Variants in APBB2 observed in about 807,000 individuals in gnomAD.
APBB2 encodes amyloid beta precursor protein binding family B member 2, also known as Fe65-like 1.
APBB2 carries 38 observed loss-of-function variants against 82.5 expected under a neutral mutation model. The observed-to-expected ratio is 0.46, with a 90% CI of 0.36 to 0.60. APBB2 has a LOEUF of 0.60. APBB2 is among the 20% of genes least tolerant of loss of function. The pLI is 0.00. For synonymous variants in APBB2, 341 were observed against 368.2 expected (o/e 0.93, Z 0.85); for missense variants, 772 against 972.3 (o/e 0.79, Z 2.74).
intron 6 of APBB2, among the ~76,000 whole-genome samples, chr4:40,949,459 C>G (rs867633654): frequency 6.6e-6 from 1 of 152,056 alleles, no homozygotes; most frequent in African/African-American, 2.4e-5. Context: ...AAAACCATAG[C>G]TAAGCCAAGA....
At chr4:40,935,460 G>T in intron 7 of APBB2, 1 of 278,142 alleles carries the variant, frequency 3.6e-6, no homozygotes, top group East Asian at 7.8e-5. Context: ...TCAATAACTA[G>T]CATACCTAAT....
rs145465569 is a variant in APBB2 at position 41,165,519 on chromosome 4, T to C, written c.-416-22377A>G. Among the ~76,000 whole-genome samples, 508 of 152,306 alleles carry C rather than the reference T, an allele frequency of 3.3e-3. 2 individuals are homozygous for C. Among genetic ancestry groups the C allele is most frequent in the Non-Finnish European group, 4.2e-3 (283 of 68,028 alleles). ...TATCTCTTTCCTCTGTTTCCTCACT[T>C]CCTACTTAGCTCTTTAGTAATGCAA... On this transcript the variant is annotated intron_variant, in intron 1 of 17. Coordinates refer to ENST00000508593, the MANE Select transcript of APBB2 (RefSeq NM_004307.2).
At chr4:40,840,023 T>C (rs1381162089) in intron 12 of APBB2, among the ~76,000 whole-genome samples, 1 of 152,206 alleles carries the variant, frequency 6.6e-6, no homozygotes, top group African/African-American at 2.4e-5. Flanking sequence ...TAAGACTTGC[T>C]AAAATGTACC....
intron 16 of APBB2, among the ~76,000 whole-genome samples, chr4:40,823,283 T>C (rs920472008): frequency 1.3e-5 from 2 of 152,168 alleles, no homozygotes; most frequent in South Asian, 2.1e-4. Flanking sequence ...CACAGGACTC[T>C]CCCAAATGGA....
intron 5 of APBB2, among the ~76,000 whole-genome samples, chr4:41,031,483 G>A (rs1716785031): frequency 6.6e-6 from 1 of 152,310 alleles, no homozygotes; most frequent in South Asian, 2.1e-4. Flanking sequence ...ATGCATGAGA[G>A]TAGTAGCTGT....
intron 3 of APBB2, among the ~76,000 whole-genome samples, chr4:41,095,889 C>G (rs762783782): frequency 6.6e-6 from 1 of 152,300 alleles, no homozygotes; most frequent in African/African-American, 2.4e-5. Context: ...TTTAGAAACT[C>G]CAAGTCTCTA....
intron 10 of APBB2, among the ~76,000 whole-genome samples, chr4:40,931,006 C>T (rs1784096120): frequency 6.6e-6 from 1 of 152,158 alleles, no homozygotes; most frequent in South Asian, 2.1e-4. Flanking sequence ...CTTACCCTCC[C>T]AAACTGCTGG....
chr4:40,922,863 C>G (rs193153109), intron 10 of APBB2, among the ~76,000 whole-genome samples: 84 of 152,186 alleles, frequency 5.5e-4, no homozygotes, highest in Admixed American at 2.3e-3. Context: ...AAGGATCCAC[C>G]CCGCTCGGCC....
At chr4:40,992,008 C>A (rs546781282) in intron 6 of APBB2, among the ~76,000 whole-genome samples, 1 of 152,220 alleles carries the variant, frequency 6.6e-6, no homozygotes, top group Middle Eastern at 3.4e-3. Flanking sequence ...GCACAGACAC[C>A]ACACACACCA....
chr4:41,078,163 C>A (rs1455371124), intron 3 of APBB2, among the ~76,000 whole-genome samples: 1 of 151,934 alleles, frequency 6.6e-6, no homozygotes, highest in Non-Finnish European at 1.5e-5. Flanking sequence ...GAAAGATAAA[C>A]CCCTCTCTTC....
intron 10 of APBB2, among the ~76,000 whole-genome samples, chr4:40,913,168 GAC>G (rs993303194): frequency 5.9e-5 from 9 of 152,162 alleles, no homozygotes; most frequent in Non-Finnish European, 1.3e-4. Context: ...AAGGAGCAGA[GAC>G]AGCCTGCAGT....
At chr4:40,857,841 G>C (rs1032199666) in intron 12 of APBB2, among the ~76,000 whole-genome samples, 2 of 152,146 alleles carry the variant, frequency 1.3e-5, no homozygotes, top group African/African-American at 4.8e-5. Flanking sequence ...GGGGAAGGGA[G>C]GTATTGCAGC....
chr4:41,035,642 C>T (rs1163618055), intron 4 of APBB2, among the ~76,000 whole-genome samples: 1 of 152,108 alleles, frequency 6.6e-6, no homozygotes, highest in Non-Finnish European at 1.5e-5. Flanking sequence ...TCTGAAAAGG[C>T]TTGAACAAAA....
At chr4:41,071,838 C>T (rs1336157768) in intron 3 of APBB2, among the ~76,000 whole-genome samples, 1 of 151,968 alleles carries the variant, frequency 6.6e-6, no homozygotes, top group Non-Finnish European at 1.5e-5. Context: ...AAGGTAATGC[C>T]TTCTTCAGAG....
intron 10 of APBB2, among the ~76,000 whole-genome samples, chr4:40,926,166 CAT>C (rs1782560918): frequency 6.6e-6 from 1 of 151,878 alleles, no homozygotes; most frequent in Non-Finnish European, 1.5e-5. Context: ...TTCTTTTTAT[CAT>C]GTTTCCAACT....
intron 5 of APBB2, among the ~76,000 whole-genome samples, chr4:41,019,004 C>T (rs1364082324): frequency 6.6e-6 from 1 of 152,174 alleles, no homozygotes; most frequent in Non-Finnish European, 1.5e-5. Flanking sequence ...AGATAAGGTT[C>T]CCATTAGCCA....
chr4:41,169,190 A>G (rs1767580318), intron 1 of APBB2, among the ~76,000 whole-genome samples: 1 of 151,052 alleles, frequency 6.6e-6, no homozygotes, highest in African/African-American at 2.4e-5. Flanking sequence ...TCTCAAAAAA[A>G]AAAAAAAAAA....
At position 40,864,366 on chromosome 4, in the gene APBB2, C is replaced by T. The variant is rs375852952; in HGVS notation, c.1529+25998G>A. Among the ~76,000 whole-genome samples the T allele has an allele frequency of 1.2e-3, 189 of 152,256 alleles. 5 individuals carry two copies. The South Asian group carries it at 0.038, about 31-fold the overall frequency. On this transcript the variant is annotated intron_variant, in intron 12 of 17. Transcript: ENST00000508593. ...TTGTAAAAGAAAGACCCCACTGCCC[C>T]ACAAGACATCAGTCACAGCAGACGC... is the stretch of plus-strand genomic sequence containing the variant.
At chr4:41,122,625 C>T (rs907979070) in intron 2 of APBB2, among the ~76,000 whole-genome samples, 3 of 152,158 alleles carry the variant, frequency 2.0e-5, no homozygotes, top group African/African-American at 7.2e-5. Context: ...ACTTTTATAA[C>T]ACTCTTAAAG....
Sources: gnomAD v4.1 joint callset for allele counts (sites outside exome capture counted in the v4.1 genomes callset) on GRCh38, gnomAD v4.1.1 for gene constraint, MANE v1.5 for transcripts, NCBI Gene and HGNC (gene_info 2026-07-23, HGNC 2026-07-21) for gene names.